The following PSMC6 variants were observed in gnomAD, a reference collection of about 807,000 sequenced individuals.
PSMC6 encodes the protein 26S proteasome regulatory subunit 10B.
Under a neutral mutation model 55.9 loss-of-function variants are expected in PSMC6, and 3 were observed. The observed-to-expected ratio is 0.05, with a 90% confidence interval of 0.02 to 0.14. The LOEUF (loss-of-function observed/expected upper bound fraction) is 0.14, where lower values mean the gene tolerates loss of function less well. Ranked by LOEUF, PSMC6 falls within the 10% of genes least tolerant of loss-of-function variation. The probability of loss-of-function intolerance (pLI) is 1.00; values close to 1 mark genes in which losing one functional copy is unlikely to be tolerated. For synonymous variants in PSMC6, 137 were observed against 155.9 expected, an observed-to-expected ratio of 0.88 and a Z score of 0.90; for missense variants, 210 against 478.7, an observed-to-expected ratio of 0.44 and a Z score of 5.24.
chr14:52,714,812 G>A (rs568650090), intron 7 of PSMC6, among the ~76,000 whole-genome samples: 65 of 141,820 alleles, frequency 4.6e-4, no homozygotes, highest in African/African-American at 1.6e-3. Flanking sequence ...GTTGCAGTGA[G>A]CCGAGATTGC....
chr14:52,707,985 G>A (rs1296074702), intron 1 of PSMC6, among the ~76,000 whole-genome samples: 1 of 152,186 alleles, frequency 6.6e-6, no homozygotes, highest in Non-Finnish European at 1.5e-5. Flanking sequence ...GTGAGGAAGG[G>A]TCTAAGTGAT....
intron 7 of PSMC6, among the ~76,000 whole-genome samples, chr14:52,714,261 A>G (rs900002776): frequency 6.6e-6 from 1 of 152,076 alleles, no homozygotes; most frequent in African/African-American, 2.4e-5. Context: ...GGCTATCTCA[A>G]ACTCCTGGAC....
At chr14:52,712,481 T>A (rs897149415) in intron 6 of PSMC6, among the ~76,000 whole-genome samples, 2 of 151,956 alleles carry the variant, frequency 1.3e-5, no homozygotes, top group African/African-American at 4.8e-5. Context: ...CAACAGTGAT[T>A]TGCTGCATTA....
rs866564369 is a variant in PSMC6, at chr14:52,716,898, T to G, written c.530-1183T>G. 2.0e-4 allele frequency among the ~76,000 whole-genome samples: 31 copies of G among 152,308 alleles called. No homozygotes were observed. The Middle Eastern group carries it at 0.014, about 67-fold the overall frequency. ...AAATAAGCCAGACACAGAAAGACAG[T>G]TACCACATAATCTCATTTTCATGTG... On this transcript the variant is annotated intron_variant, in intron 7 of 13. Transcript: ENST00000445930.
intron 4 of PSMC6, 162 bp from the exon 5 acceptor site, chr14:52,710,939 C>T (rs751401791): frequency 2.1e-5 from 14 of 681,928 alleles, no homozygotes; most frequent in Admixed American, 1.1e-4. Flanking sequence ...CTTTGAATTA[C>T]TTATTTTATA....
intron 11 of PSMC6, 34 bp from the exon 12 acceptor site, chr14:52,721,076 A>G (rs766891510): frequency 2.9e-5 from 46 of 1,577,102 alleles, no homozygotes; most frequent in Non-Finnish European, 3.6e-5. Context: ...TAAAAAAGAT[A>G]AAACTGGACT....
intron 1 of PSMC6, 118 bp from the exon 2 acceptor site, chr14:52,708,191 T>C (rs1050179061): frequency 1.3e-6 from 1 of 797,624 alleles, no homozygotes; most frequent in Non-Finnish European, 2.1e-6. Context: ...TTTGAAACAG[T>C]GGATGTGAAA....
At position 52,722,348 on chromosome 14, in the gene PSMC6, A is replaced by T. The variant is rs571764193; in HGVS notation, c.979+1158A>T. 4.0e-5 allele frequency: 6 copies of T among 150,710 alleles called. No individual in the cohort carries two copies. In the East Asian group the frequency reaches 1.2e-3, roughly 29 times the overall value. 9.3% of individuals were successfully genotyped at this position (150,710 alleles called of 1,614,324 possible). ...AGGAGTTGGCAGAGTTTTCTATAAG[A>T]TGGAAGAGTTTATGACCCCCCTGCC... is the stretch of plus-strand genomic sequence containing the variant. On this transcript the variant is annotated intron_variant, in intron 12 of 13. Coordinates refer to ENST00000445930, the MANE Select transcript of PSMC6 (RefSeq NM_002806.5).
chr14:52,707,468 A>C, intron 1 of PSMC6, 164 bp downstream of exon 1: 1 of 917,422 alleles, frequency 1.1e-6, no homozygotes, highest in Non-Finnish European at 1.6e-6. Context: ...GTGGAGCAGC[A>C]CTCCTTCGGG....
chr14:52,708,125 A>G (rs1303400286), intron 1 of PSMC6, among the ~76,000 whole-genome samples, 184 bp from the exon 2 acceptor site: 1 of 152,138 alleles, frequency 6.6e-6, no homozygotes, highest in African/African-American at 2.4e-5. Flanking sequence ...TCTCTGTAAC[A>G]TTTTGTTGTT....
rs145411984 is a variant in PSMC6 at position 52,711,139 on chromosome 14, T to C, written c.297T>C (p.Ala99=). 1,428 of 1,613,816 alleles carry C rather than the reference T, an allele frequency of 8.8e-4. 1 individual carries two copies. The highest frequency in any genetic ancestry group is 1.0e-3 in the Non-Finnish European group (1,235 of 1,179,834). The change falls in exon 5 of 14, where the codon GCT becomes GCC. Residue 99 remains alanine, a synonymous_variant. Coordinates refer to ENST00000445930, the MANE Select transcript of PSMC6 (RefSeq NM_002806.5). The stretch of plus-strand genomic sequence containing the variant: ...AGCTGAAGCCAGGAACAAGAGTTGC[T>C]TTGGATATGACTACACTAACTATCA... The part of the protein sequence containing the change: ...KSKLKPGTRV[A]LDMTTLTIMR...
At chr14:52,715,707 C>T (rs1459317133) in intron 7 of PSMC6, among the ~76,000 whole-genome samples, 1 of 150,318 alleles carries the variant, frequency 6.7e-6, no homozygotes, top group Non-Finnish European at 1.5e-5. Context: ...ACTTCTGCCT[C>T]TTGGGCTCAG....
intron 1 of PSMC6, among the ~76,000 whole-genome samples, chr14:52,707,812 C>T (rs1029929103): frequency 2.6e-5 from 4 of 152,162 alleles, no homozygotes; most frequent in Non-Finnish European, 4.4e-5. Flanking sequence ...ATTTCCCTTA[C>T]CTCCTGAGTG....
At chr14:52,717,259 A>G (rs760322051) in intron 7 of PSMC6, among the ~76,000 whole-genome samples, 16 of 152,006 alleles carry the variant, frequency 1.1e-4, no homozygotes, top group Non-Finnish European at 2.1e-4. Flanking sequence ...TTATTTGTCA[A>G]TTTAAAATAG....
In PSMC6 at chr14:52,720,846, T is replaced by A. The variant is rs1171383989; in HGVS notation, c.778-15T>A. 1 of 1,566,864 alleles carries A rather than the reference T, an allele frequency of 6.4e-7. No homozygotes were observed. Among genetic ancestry groups the A allele is most frequent in the East Asian group, 2.3e-5 (1 of 44,262 alleles). On this transcript the variant is annotated splice_polypyrimidine_tract_variant and intron_variant, in intron 10 of 13. Transcript: ENST00000445930. ...GGTTAGAATTTTTGTAAAATCTGATTCTTAATATTCTTAGTTACTGAATCA... is the reference window on the plus strand; with the variant it reads ...GGTTAGAATTTTTGTAAAATCTGATACTTAATATTCTTAGTTACTGAATCA...
At chr14:52,717,128 T>G (rs926926475) in intron 7 of PSMC6, among the ~76,000 whole-genome samples, 6 of 152,186 alleles carry the variant, frequency 3.9e-5, no homozygotes, top group Non-Finnish European at 8.8e-5. Flanking sequence ...TAAAAGTAGA[T>G]TTTAAATGTT....
At chr14:52,714,136 G>A (rs1265471297) in intron 7 of PSMC6, 168 bp downstream of exon 7, 3 of 443,574 alleles carry the variant, frequency 6.8e-6, no homozygotes, top group Admixed American at 4.1e-5. Flanking sequence ...TGCCTTCCGG[G>A]CTCAAGTGAT....
At chr14:52,707,647 T>G in intron 1 of PSMC6, 1 of 267,098 alleles carries the variant, frequency 3.7e-6, no homozygotes, top group Non-Finnish European at 7.4e-6. Flanking sequence ...GGGAAGGCGC[T>G]TGAGTCAAGT....
At chr14:52,707,339 C>T (rs762781848) in intron 1 of PSMC6, 35 bp downstream of exon 1, 3 of 1,611,910 alleles carry the variant, frequency 1.9e-6, no homozygotes, top group African/African-American at 1.3e-5. Flanking sequence ...AATCAAGTGC[C>T]TCGACTCGCT....
Sources: allele counts gnomAD v4.1 joint callset (sites outside exome capture counted in the v4.1 genomes callset), GRCh38; gene constraint gnomAD v4.1.1; transcripts MANE v1.5; gene names NCBI Gene and HGNC (gene_info 2026-07-23, HGNC 2026-07-21).